The following M1AP variants were observed in gnomAD, a reference collection of about 807,000 sequenced individuals.
The protein encoded by M1AP is meiosis 1 arrest protein.
A neutral mutation model predicts 51.2 loss-of-function variants in M1AP; 39 were observed. The ratio of observed to expected loss-of-function variants is 0.76; its 90% CI spans 0.59 to 1.00. The LOEUF (loss-of-function observed/expected upper bound fraction) is 1.00, where lower values mean the gene tolerates loss of function less well. Among genes scored for constraint, M1AP ranks in the 50% least tolerant of loss-of-function variants. The pLI is 0.00. For synonymous variants in M1AP, 251 were observed against 249.2 expected, an observed-to-expected ratio of 1.01 and a Z score of -0.07; for missense variants, 545 against 641.2, an observed-to-expected ratio of 0.85 and a Z score of 1.62.
chr2:74,601,951 T>C lies in M1AP; in HGVS notation c.595+5104A>G, dbSNP rs566390574. On this transcript the variant is annotated intron_variant, in intron 4 of 10. Transcript: ENST00000421985. ...AGACTGATTGAAGGACACATTCTCA[T>C]TTTATAAATGAATCTGCAATATCAA... Among the ~76,000 whole-genome samples, 10 of 152,302 alleles carry C rather than the reference T, an allele frequency of 6.6e-5. No homozygotes were observed. In the East Asian group the frequency reaches 1.9e-3, roughly 29 times the overall value.
chr2:74,628,986 T>C, intron 2 of M1AP: 1 of 239,444 alleles, frequency 4.2e-6, no homozygotes, highest in Non-Finnish European at 8.5e-6. Flanking sequence ...CTAAACTTCC[T>C]TATCTTGCAC....
rs570984946 is a variant in M1AP at position 74,607,825 on chromosome 2, T to C, written c.427-602A>G. Among the ~76,000 whole-genome samples, 10 of 152,328 alleles carry C rather than the reference T, an allele frequency of 6.6e-5. No homozygotes were observed. The East Asian group carries it at 1.9e-3, about 29-fold the overall frequency. ...TCTTGAACTTTTAAAGACTGGACGG[T>C]AATCATTAAACATATGCAATTCTCA... On this transcript the variant is annotated intron_variant, in intron 3 of 10. Transcript: ENST00000421985.
Position 74,640,201 on chromosome 2 carries a change from G to T in M1AP, c.75C>A (p.Leu25=). ...AGGACGGTAGAGCAATGTGCACAAT[G>T]AGAAGCCGTGGAGGTTGCTGGTCAA... is the stretch of plus-strand genomic sequence containing the variant. ...TQIDQQPPRL[L]IVHIALPSWA... Residue 25 remains leucine (L), a synonymous_variant, in exon 2 of 11, where the codon CTC becomes CTA. Transcript: ENST00000421985. 14 of 1,614,172 alleles carry T rather than the reference G, an allele frequency of 8.7e-6. No individual in the cohort carries two copies. The highest frequency in any genetic ancestry group is 1.2e-5 in the Non-Finnish European group (14 of 1,180,020).
At chr2:74,612,450 C>A (rs1681422976) in intron 3 of M1AP, among the ~76,000 whole-genome samples, 1 of 152,006 alleles carries the variant, frequency 6.6e-6, no homozygotes, top group South Asian at 2.1e-4. Context: ...AAACTCCTGG[C>A]CTCAAGCAAT....
At chr2:74,569,128 G>C (rs1318083481) in intron 7 of M1AP, among the ~76,000 whole-genome samples, 1 of 152,116 alleles carries the variant, frequency 6.6e-6, no homozygotes, top group East Asian at 1.9e-4. Context: ...GTATATTTAA[G>C]AAATTAGATG....
chr2:74,619,090 C>A, intron 2 of M1AP: 1 of 374,772 alleles, frequency 2.7e-6, no homozygotes, highest in South Asian at 2.2e-5. Flanking sequence ...CACCACAGAC[C>A]ACTGTGCTTA....
At chr2:74,630,924 G>T (rs1179800889) in intron 2 of M1AP, among the ~76,000 whole-genome samples, 1 of 152,132 alleles carries the variant, frequency 6.6e-6, no homozygotes, top group African/African-American at 2.4e-5. Flanking sequence ...CTCTGTTTTT[G>T]CCCTAGCATT....
chr2:74,581,641 T>G (rs1237158671), intron 5 of M1AP, 33 bp downstream of exon 5: 2 of 1,600,034 alleles, frequency 1.2e-6, no homozygotes, highest in African/African-American at 2.7e-5. Context: ...ATAAGAATAA[T>G]CATAGCCTAA....
intron 2 of M1AP, among the ~76,000 whole-genome samples, chr2:74,623,035 C>A (rs1453077765): frequency 6.7e-6 from 1 of 148,638 alleles, no homozygotes; most frequent in East Asian, 2.0e-4. Flanking sequence ...ATAGTAAACA[C>A]CAAGTAAGAT....
At chr2:74,633,610 T>C (rs767170149) in intron 2 of M1AP, among the ~76,000 whole-genome samples, 1 of 152,166 alleles carries the variant, frequency 6.6e-6, no homozygotes, top group East Asian at 1.9e-4. Context: ...CTCTTTCCCA[T>C]TGCAACATCC....
intron 4 of M1AP, 86 bp downstream of exon 4, chr2:74,606,969 G>T (rs1279389494): frequency 3.0e-5 from 33 of 1,097,166 alleles, no homozygotes; most frequent in Non-Finnish European, 4.0e-5. Context: ...ATGTATACAT[G>T]TGCCATGTTG....
intron 10 of M1AP, 80 bp from the exon 11 acceptor site, chr2:74,558,954 C>A: frequency 7.3e-7 from 1 of 1,360,694 alleles, no homozygotes; most frequent in Non-Finnish European, 9.8e-7. Flanking sequence ...GGCTTCCTGT[C>A]CTAACTCTTT....
chr2:74,621,264 A>C (rs902291559), intron 2 of M1AP, among the ~76,000 whole-genome samples: 3 of 152,016 alleles, frequency 2.0e-5, no homozygotes, highest in Admixed American at 1.3e-4. Context: ...CCTGGGCGAC[A>C]GAGCGAGGCT....
rs558372101 is a variant in M1AP at position 74,626,127 on chromosome 2, G to A, written c.241-10978C>T. Reference sequence around the variant, plus strand: ...GCAATTTGGTGTGAACCCCAGCCTCGGGAAGGGAGTCCCCCTTTCAAGTTT... The same window carrying A: ...GCAATTTGGTGTGAACCCCAGCCTCAGGAAGGGAGTCCCCCTTTCAAGTTT... On this transcript the variant is annotated intron_variant, in intron 2 of 10. Transcript: ENST00000421985. Among the ~76,000 whole-genome samples, 13 of 152,166 alleles carry A rather than the reference G, an allele frequency of 8.5e-5. No individual in the cohort carries two copies. In the East Asian group the frequency reaches 2.5e-3, roughly 29 times the overall value.
At chr2:74,573,637 G>A (rs930719837) in intron 7 of M1AP, among the ~76,000 whole-genome samples, 1 of 152,254 alleles carries the variant, frequency 6.6e-6, no homozygotes, top group Middle Eastern at 3.4e-3. Context: ...ACAGACGTGA[G>A]TCACCACACC....
chr2:74,637,828 T>C (rs1473273572), intron 2 of M1AP, among the ~76,000 whole-genome samples: 1 of 152,156 alleles, frequency 6.6e-6, no homozygotes, highest in African/African-American at 2.4e-5. Flanking sequence ...GGTAGTTTCC[T>C]CATGTGCATG....
intron 7 of M1AP, among the ~76,000 whole-genome samples, chr2:74,564,225 G>A (rs746331605): frequency 2.0e-5 from 3 of 152,172 alleles, no homozygotes; most frequent in Admixed American, 6.5e-5. Flanking sequence ...TAGACCCCAC[G>A]GGACACATGC....
At chr2:74,600,402 T>TA (rs1268227323) in intron 4 of M1AP, among the ~76,000 whole-genome samples, 2 of 152,230 alleles carry the variant, frequency 1.3e-5, no homozygotes, top group Non-Finnish European at 2.9e-5. Flanking sequence ...AGAATTTATT[T>TA]AAAAACAAAG....
intron 4 of M1AP, among the ~76,000 whole-genome samples, chr2:74,598,381 C>CAATAAATAAATAAATAAATA (rs112411965): frequency 1.7e-4 from 25 of 149,292 alleles, no homozygotes; most frequent in African/African-American, 6.1e-4. Flanking sequence ...GACTCCATGT[C>CAATAAATAAATAAATAAATA]AATAAATAAA....
Sources: gnomAD v4.1 joint callset for allele counts (sites outside exome capture counted in the v4.1 genomes callset) on GRCh38, gnomAD v4.1.1 for gene constraint, MANE v1.5 for transcripts, NCBI Gene and HGNC (gene_info 2026-07-23, HGNC 2026-07-21) for gene names.